The following CCDC30 variants were observed in gnomAD, a reference collection of about 807,000 sequenced individuals.
CCDC30 encodes the protein coiled-coil domain containing 30.
A neutral mutation model predicts 100.2 loss-of-function variants in CCDC30; 70 were observed. The ratio of observed to expected loss-of-function variants is 0.70; its 90% CI spans 0.58 to 0.85. CCDC30 has a LOEUF of 0.85. Ranked by LOEUF, CCDC30 falls within the 40% of genes least tolerant of loss-of-function variation. The probability of loss-of-function intolerance (pLI) is 0.00; values close to 1 mark genes in which losing one functional copy is unlikely to be tolerated. For missense variants in CCDC30, 652 were observed against 771.2 expected (o/e 0.85, Z 1.83); for synonymous variants, 233 against 269.5 (o/e 0.86, Z 1.33).
intron 10 of CCDC30, among the ~76,000 whole-genome samples, chr1:42,606,379 A>G (rs1646501689): frequency 6.6e-6 from 1 of 152,124 alleles, no homozygotes; most frequent in Admixed American, 6.6e-5. Flanking sequence ...CCGGGTTCAA[A>G]TGATTCTCCC....
intron 11 of CCDC30, among the ~76,000 whole-genome samples, chr1:42,612,170 A>C (rs941999657): frequency 2.6e-5 from 4 of 152,212 alleles, no homozygotes; most frequent in African/African-American, 9.6e-5. Context: ...ATAGTCTTCA[A>C]ATTTGCTATT....
At chr1:42,487,424 T>C (rs1644070573) in intron 3 of CCDC30, among the ~76,000 whole-genome samples, 1 of 151,906 alleles carries the variant, frequency 6.6e-6, no homozygotes, top group East Asian at 1.9e-4. Context: ...CACACATATT[T>C]TCCCAGTTAT....
chr1:42,641,780 G>A (rs569859404), intron 12 of CCDC30, among the ~76,000 whole-genome samples: 32 of 151,796 alleles, frequency 2.1e-4, no homozygotes, highest in African/African-American at 7.5e-4. Context: ...GGCTAAACCT[G>A]AGAGGCAGAG....
At chr1:42,476,744 A>G (rs1433196121) in intron 1 of CCDC30, among the ~76,000 whole-genome samples, 1 of 150,870 alleles carries the variant, frequency 6.6e-6, no homozygotes, top group East Asian at 1.9e-4. Context: ...TTATTATTAT[A>G]TATGGTCAGT....
chr1:42,489,837 A>G (rs1644109831), intron 3 of CCDC30: 2 of 167,390 alleles, frequency 1.2e-5, no homozygotes, highest in South Asian at 2.0e-4. Context: ...CTAAACTGGT[A>G]GTACCATACC....
upstream of CCDC30, chr1:42,463,201 C>G (rs577471072): frequency 2.0e-5 from 3 of 152,240 alleles, no homozygotes; most frequent in Non-Finnish European, 2.9e-5. Context: ...TCCACAAGAA[C>G]CACAGTCTCT....
chr1:42,628,456 G>A (rs1267544382), intron 11 of CCDC30, among the ~76,000 whole-genome samples: 1 of 152,138 alleles, frequency 6.6e-6, no homozygotes, highest in African/African-American at 2.4e-5. Flanking sequence ...TGAAATGTGA[G>A]GACATGAGAT....
chr1:42,653,439 T>C, exon 16 of CCDC30: 1 of 1,591,056 alleles, frequency 6.3e-7, no homozygotes, highest in South Asian at 1.1e-5. Context: ...TTTATCAAAC[T>C]CCAGGTTAGT....
At chr1:42,620,437 G>A (rs1215149424) in intron 11 of CCDC30, among the ~76,000 whole-genome samples, 1 of 152,130 alleles carries the variant, frequency 6.6e-6, no homozygotes, top group Non-Finnish European at 1.5e-5. Flanking sequence ...CAGTAACCTT[G>A]AACTGTACAA....
At chr1:42,585,431 CTATT>C (rs918729051) in intron 9 of CCDC30, among the ~76,000 whole-genome samples, 11 of 152,076 alleles carry the variant, frequency 7.2e-5, no homozygotes, top group Admixed American at 5.9e-4. Flanking sequence ...TTTGTCTTCT[CTATT>C]TATTAGTTAG....
intron 10 of CCDC30, among the ~76,000 whole-genome samples, chr1:42,609,945 T>C (rs1332849104): frequency 6.6e-6 from 1 of 152,234 alleles, no homozygotes; most frequent in Non-Finnish European, 1.5e-5. Context: ...ACTTGATATT[T>C]GGGATTTGGT....
chr1:42,539,105 ATAT>A lies in CCDC30; in HGVS notation c.457-27187_457-27185del, dbSNP rs1385053157. On this transcript the variant is annotated intron_variant, in intron 6 of 16. Transcript: ENST00000668663. ...ACCATTTCAAGATTCATTCTTAAAAATATTATATCTTTTATGGGGGAAAATAGT... is the reference window on the plus strand; with the variant it reads ...ACCATTTCAAGATTCATTCTTAAAAATATATCTTTTATGGGGGAAAATAGT... 31 of 1,263,938 alleles carry A rather than the reference ATAT, an allele frequency of 2.5e-5. No individual in the cohort carries two copies. The Middle Eastern group carries it at 9.2e-4, about 38-fold the overall frequency. 78.3% of individuals were successfully genotyped at this position (1,263,938 alleles called of 1,614,324 possible).
chr1:42,606,023 C>G (rs904463184), intron 10 of CCDC30, among the ~76,000 whole-genome samples: 1 of 152,092 alleles, frequency 6.6e-6, no homozygotes, highest in African/African-American at 2.4e-5. Context: ...AAGTTAGGCA[C>G]GTTGTGAAAG....
intron 5 of CCDC30, among the ~76,000 whole-genome samples, chr1:42,498,308 G>A (rs1261303426): frequency 6.6e-6 from 1 of 152,184 alleles, no homozygotes; most frequent in Non-Finnish European, 1.5e-5. Flanking sequence ...ATTGTTTAAT[G>A]GGTATAGAGT....
intron 1 of CCDC30, among the ~76,000 whole-genome samples, chr1:42,472,798 A>C (rs1301311718): frequency 6.6e-6 from 1 of 152,198 alleles, no homozygotes; most frequent in Admixed American, 6.5e-5. Flanking sequence ...GAAAAGTAAA[A>C]TATACATTGT....
At chr1:42,504,452 C>T (rs1644367463) in intron 6 of CCDC30, among the ~76,000 whole-genome samples, 1 of 152,172 alleles carries the variant, frequency 6.6e-6, no homozygotes. Flanking sequence ...AGAACACCAG[C>T]TGGGGCTTCT....
chr1:42,497,298 T>A, intron 5 of CCDC30, 85 bp downstream of exon 5: 1 of 803,782 alleles, frequency 1.2e-6, no homozygotes, highest in Non-Finnish European at 1.7e-6. Flanking sequence ...ATACAACATG[T>A]AAGTTGGTCT....
At chr1:42,637,496 C>A (rs1400730319) in intron 12 of CCDC30, 118 bp downstream of exon 16, 1 of 909,030 alleles carries the variant, frequency 1.1e-6, no homozygotes, top group Admixed American at 2.7e-5. Flanking sequence ...GTTTTCATTT[C>A]TTTTCTTTGC....
At chr1:42,506,489 T>A (rs924807201) in intron 6 of CCDC30, among the ~76,000 whole-genome samples, 4 of 152,248 alleles carry the variant, frequency 2.6e-5, no homozygotes, top group Non-Finnish European at 1.5e-5. Context: ...TGGTTTACAA[T>A]AACTTCAATC....
Sources: gnomAD v4.1 joint callset for allele counts (sites outside exome capture counted in the v4.1 genomes callset) on GRCh38, gnomAD v4.1.1 for gene constraint, MANE v1.5 for transcripts, NCBI Gene and HGNC (gene_info 2026-07-23, HGNC 2026-07-21) for gene names.